ERGIC1: variants seen among roughly 807,000 people sequenced by gnomAD.
ERGIC1 encodes endoplasmic reticulum-golgi intermediate compartment 1, also known as endoplasmic reticulum-Golgi intermediate compartment protein 1.
A neutral mutation model predicts 38.3 loss-of-function variants in ERGIC1; 19 were observed. That is an observed-to-expected ratio of 0.50 (90% confidence interval 0.35 to 0.73). The LOEUF (loss-of-function observed/expected upper bound fraction) is 0.73, where lower values mean the gene tolerates loss of function less well. Among genes scored for constraint, ERGIC1 ranks in the 30% least tolerant of loss-of-function variants. The probability of loss-of-function intolerance (pLI) is 0.01; values close to 1 mark genes in which losing one functional copy is unlikely to be tolerated. For missense variants in ERGIC1, 294 were observed against 389.2 expected (o/e 0.76, Z 2.06); for synonymous variants, 124 against 157.6 (o/e 0.79, Z 1.60).
chr5:172,927,073 T>A (rs575270504), intron 7 of ERGIC1: 170 of 164,440 alleles, frequency 1.0e-3, no homozygotes, highest in Non-Finnish European at 1.9e-3. Context: ...CTTAGCTCCC[T>A]GGCACCTTGG....
At chr5:172,931,891 C>T (rs1763784149) in intron 7 of ERGIC1, among the ~76,000 whole-genome samples, 1 of 134,444 alleles carries the variant, frequency 7.4e-6, no homozygotes, top group Non-Finnish European at 1.5e-5. Flanking sequence ...CAGAGTCTTG[C>T]TCTATCGCCC....
At chr5:172,850,640 A>G (rs1011542041) in intron 1 of ERGIC1, among the ~76,000 whole-genome samples, 19 of 152,108 alleles carry the variant, frequency 1.2e-4, no homozygotes, top group South Asian at 2.1e-4. Flanking sequence ...TCTGCTACAA[A>G]TGGGGATACA....
intron 2 of ERGIC1, among the ~76,000 whole-genome samples, chr5:172,894,132 CT>C (rs781661227): frequency 5.5e-3 from 58 of 10,488 alleles, no homozygotes; most frequent in South Asian, 8.2e-3. Context: ...GCTGATGATA[CT>C]TTTTTTTTTT....
chr5:172,934,826 C>G (rs1763852463), intron 8 of ERGIC1: 1 of 311,150 alleles, frequency 3.2e-6, no homozygotes, highest in South Asian at 3.1e-5. Flanking sequence ...GTTCAGCAAA[C>G]CATTGTTGAA....
chr5:172,950,198 C>T (rs1465902265), intron 9 of ERGIC1, among the ~76,000 whole-genome samples: 2 of 152,214 alleles, frequency 1.3e-5, no homozygotes, highest in African/African-American at 4.8e-5. Context: ...CCCATCAAGT[C>T]CCAGGATGCC....
intron 5 of ERGIC1, chr5:172,917,521 C>T (rs996874115): frequency 3.9e-5 from 6 of 152,140 alleles, no homozygotes; most frequent in Non-Finnish European, 8.8e-5. Context: ...AGAACAAGCG[C>T]CCCTCAGAGA....
In ERGIC1 at chr5:172,839,496, G is replaced by A. The variant is rs139000838; in HGVS notation, c.20+5063G>A. Among the ~76,000 whole-genome samples the A allele has an allele frequency of 4.3e-3, 660 of 152,070 alleles. 4 individuals are homozygous for A. Among genetic ancestry groups the A allele is most frequent in the Middle Eastern group, 0.034 (10 of 294 alleles). On this transcript the variant is annotated intron_variant, in intron 1 of 9. Coordinates refer to ENST00000393784, the MANE Select transcript of ERGIC1 (RefSeq NM_001031711.3). ...GAAGGATCTCTTGAGCCCAGGAGGT[G>A]GAGGCTTCAGTGAGCCATGTTCATG... is the stretch of plus-strand genomic sequence containing the variant.
Position 172,834,944 on chromosome 5 carries a change from G to C in ERGIC1, c.20+511G>C, listed in dbSNP as rs1760998717. Among the ~76,000 whole-genome samples, 1 of 152,152 alleles carries C rather than the reference G, an allele frequency of 6.6e-6. No homozygotes were observed. Among genetic ancestry groups the C allele is most frequent in the Non-Finnish European group, 1.5e-5 (1 of 68,014 alleles). ...TCCCCCAGGCCGGGCAGATCGGGAG[G>C]CCTGCCCCCGCCCCTCCCTCCCTCA... On this transcript the variant is annotated intron_variant, in intron 1 of 9. Transcript: ENST00000393784. This position sits in a 1 kb window ranked among gnomAD's most constrained non-coding sequence, Gnocchi z 4.1.
chr5:172,892,979 A>G (rs566810317), intron 2 of ERGIC1, among the ~76,000 whole-genome samples: 1 of 152,228 alleles, frequency 6.6e-6, no homozygotes, highest in South Asian at 2.1e-4. Flanking sequence ...GAGCCTTGAA[A>G]AAGCACACAG....
rs186512363 is a variant in ERGIC1 at position 172,886,933 on chromosome 5, C to A, written c.21-1766C>A. ...TATGGACAGGTGAGTTGCAGAGACC[C>A]CCAACCTCCCGACCACACCCCAGCC... On this transcript the variant is annotated intron_variant, in intron 1 of 9. Transcript: ENST00000393784. Among the ~76,000 whole-genome samples, 58 of 152,250 alleles carry A rather than the reference C, an allele frequency of 3.8e-4. 1 individual carries two copies. The highest frequency in any genetic ancestry group is 7.2e-4 in the Non-Finnish European group (49 of 68,018).
intron 1 of ERGIC1, among the ~76,000 whole-genome samples, chr5:172,870,535 C>T (rs927818726): frequency 3.3e-5 from 5 of 152,218 alleles, no homozygotes; most frequent in African/African-American, 1.2e-4. Flanking sequence ...GGGATGCTGA[C>T]GTTTCCTGGA....
At chr5:172,894,131 A>AATT in intron 2 of ERGIC1, among the ~76,000 whole-genome samples, 1 of 30,042 alleles carries the variant, frequency 3.3e-5, no homozygotes, top group Non-Finnish European at 6.3e-5. Context: ...TGCTGATGAT[A>AATT]CTTTTTTTTT....
At position 172,836,602 on chromosome 5, in the gene ERGIC1, C is replaced by T. The variant is rs543786225; in HGVS notation, c.20+2169C>T. ...TGGGTTCTACTGAGGGTTCGACCAT[C>T]CCCATGCACCTTCCTCCGCTTCAGT... On this transcript the variant is annotated intron_variant, in intron 1 of 9. Coordinates refer to ENST00000393784, the MANE Select transcript of ERGIC1 (RefSeq NM_001031711.3). Among the ~76,000 whole-genome samples, 11 of 152,320 alleles carry T rather than the reference C, an allele frequency of 7.2e-5. No homozygotes were observed. The East Asian group carries it at 1.9e-3, about 27-fold the overall frequency.
At chr5:172,888,161 A>G (rs922434351) in intron 1 of ERGIC1, among the ~76,000 whole-genome samples, 4 of 152,184 alleles carry the variant, frequency 2.6e-5, no homozygotes, top group African/African-American at 9.7e-5. Flanking sequence ...CTGATGGAAG[A>G]CCCACCGATG....
At chr5:172,882,484 C>G (rs1366384408) in intron 1 of ERGIC1, among the ~76,000 whole-genome samples, 1 of 152,124 alleles carries the variant, frequency 6.6e-6, no homozygotes, top group Admixed American at 6.5e-5. Flanking sequence ...TCCCAGAGTA[C>G]GGGCAGTGGA....
At chr5:172,900,999 C>G (rs1762862742) in intron 3 of ERGIC1, among the ~76,000 whole-genome samples, 1 of 152,188 alleles carries the variant, frequency 6.6e-6, no homozygotes, top group Admixed American at 6.5e-5. Context: ...TTCCAGTTGT[C>G]AGAAGCTTGT....
chr5:172,868,961 G>C (rs1761938635), intron 1 of ERGIC1, among the ~76,000 whole-genome samples: 1 of 152,282 alleles, frequency 6.6e-6, no homozygotes, highest in South Asian at 2.1e-4. Context: ...ATGTGCAGCA[G>C]GGCGTGGCTC....
intron 9 of ERGIC1, among the ~76,000 whole-genome samples, chr5:172,944,670 T>C (rs1287105541): frequency 6.6e-6 from 1 of 152,218 alleles, no homozygotes; most frequent in East Asian, 1.9e-4. Context: ...GTCTTCCCAT[T>C]TTTAAAAGCC....
chr5:172,855,715 A>G (rs1343763165), intron 1 of ERGIC1, among the ~76,000 whole-genome samples: 4 of 152,146 alleles, frequency 2.6e-5, no homozygotes, highest in African/African-American at 4.8e-5. Context: ...AGCACGTGGT[A>G]CACTGATGAG....
Sources: allele counts gnomAD v4.1 joint callset (sites outside exome capture counted in the v4.1 genomes callset), GRCh38; gene constraint gnomAD v4.1.1; non-coding constraint Gnocchi (gnomAD v3.1); transcripts MANE v1.5; gene names NCBI Gene and HGNC (gene_info 2026-07-23, HGNC 2026-07-21).